The following IPO9 variants were observed in gnomAD, a reference collection of about 807,000 sequenced individuals.
IPO9 encodes importin 9.
In IPO9, 28 loss-of-function variants were observed where a neutral mutation model predicts 128.6. The ratio of observed to expected loss-of-function variants is 0.22; its 90% CI spans 0.16 to 0.30. The LOEUF is 0.30. Among genes scored for constraint, IPO9 ranks in the 10% least tolerant of loss-of-function variants. IPO9 has a pLI of 1.00. For missense variants in IPO9, 935 were observed against 1,293.9 expected (o/e 0.72, Z 4.26); for synonymous variants, 455 against 475.8 (o/e 0.96, Z 0.57).
intron 13 of IPO9, among the ~76,000 whole-genome samples, chr1:201,860,113 A>G (rs990544588): frequency 3.3e-5 from 5 of 152,172 alleles, no homozygotes; most frequent in African/African-American, 1.2e-4. Flanking sequence ...CACCATCCGA[A>G]AACACTGCCT....
intron 14 of IPO9, 81 bp downstream of exon 14, chr1:201,863,688 ATGTT>A: frequency 7.7e-7 from 1 of 1,304,348 alleles, no homozygotes; most frequent in East Asian, 2.4e-5. Context: ...CCAGTGTATT[ATGTT>A]GCTTGGAAAT....
At chr1:201,833,779 A>G (rs1679878545) in intron 1 of IPO9, among the ~76,000 whole-genome samples, 1 of 150,940 alleles carries the variant, frequency 6.6e-6, no homozygotes, top group Non-Finnish European at 1.5e-5. Context: ...TTAACCTTTC[A>G]TTTTTCTTTC....
At chr1:201,837,236 G>A (rs1352846421) in intron 1 of IPO9, among the ~76,000 whole-genome samples, 1 of 152,158 alleles carries the variant, frequency 6.6e-6, no homozygotes, top group Non-Finnish European at 1.5e-5. Context: ...ACTTATTACT[G>A]TATTAGAGTG....
At chr1:201,829,892 C>G (rs1320334730) in intron 1 of IPO9, among the ~76,000 whole-genome samples, 1 of 152,194 alleles carries the variant, frequency 6.6e-6, no homozygotes, top group African/African-American at 2.4e-5. Context: ...GTTGTTTGTA[C>G]TCTTCGTGTT....
In IPO9 at chr1:201,877,998, G is replaced by A; in HGVS notation, c.*1944G>A. On this transcript the variant is annotated 3_prime_UTR_variant, in exon 24 of 24. Transcript: ENST00000361565. ...TCAAGGGGATGGCCCCAAGGATATTGTAGCTGGTAATTTCTTCATGCCACT... is the reference window on the plus strand; with the variant it reads ...TCAAGGGGATGGCCCCAAGGATATTATAGCTGGTAATTTCTTCATGCCACT... 6.6e-6 allele frequency: 1 copy of A among 152,116 alleles called. No homozygotes were observed. Among genetic ancestry groups the A allele is most frequent in the East Asian group, 1.9e-4 (1 of 5,190 alleles). 9.4% of individuals were successfully genotyped at this position (152,116 alleles called of 1,614,324 possible).
chr1:201,851,990 C>T, intron 4 of IPO9, 114 bp from the exon 5 acceptor site: 1 of 613,866 alleles, frequency 1.6e-6, no homozygotes, highest in Non-Finnish European at 2.9e-6. Context: ...AGTGTCTTTA[C>T]CTGTGTGCTG....
intron 14 of IPO9, among the ~76,000 whole-genome samples, chr1:201,863,828 G>A (rs1268329535): frequency 2.0e-5 from 3 of 152,044 alleles, no homozygotes; most frequent in Non-Finnish European, 1.5e-5. Context: ...CTTTAAATTC[G>A]CTCCAGTTCT....
At chr1:201,847,788 A>G (rs375555091) in intron 3 of IPO9, 150 bp downstream of exon 3, 12 of 618,262 alleles carry the variant, frequency 1.9e-5, no homozygotes, top group Non-Finnish European at 3.2e-5. Context: ...AGGGCTATAC[A>G]TTAAAGAGCT....
intron 10 of IPO9, 108 bp downstream of exon 10, chr1:201,856,042 AAG>A (rs1340398602): frequency 1.5e-5 from 13 of 862,098 alleles, no homozygotes; most frequent in East Asian, 8.7e-5. Flanking sequence ...TAGACACAAA[AAG>A]AATAATTTCA....
At chr1:201,869,856 AG>A (rs1680616945) in intron 17 of IPO9, 138 bp downstream of exon 17, 2 of 1,144,528 alleles carry the variant, frequency 1.7e-6, no homozygotes, top group Non-Finnish European at 2.4e-6. Flanking sequence ...AGATTCAGGA[AG>A]GGTTCAGTCT....
chr1:201,857,152 A>G lies in IPO9; in HGVS notation c.1179A>G (p.Thr393=). 1.9e-6 allele frequency: 3 copies of G among 1,613,420 alleles called. No homozygotes were observed. Among genetic ancestry groups the G allele is most frequent in the Non-Finnish European group, 2.5e-6 (3 of 1,179,308 alleles). Residue 393 remains threonine (T), a synonymous_variant, in exon 11 of 24, where the codon ACA becomes ACG. Coordinates refer to ENST00000361565, the MANE Select transcript of IPO9 (RefSeq NM_018085.5). ...QQFVEDEDDD[T]FSYTVRIAAQ... is the part of the protein sequence containing the mutation. ...TTGTAGAAGATGAAGATGATGATAC[A>G]TTCTCCTATACTGTTAGAATAGCAG... is the stretch of plus-strand genomic sequence containing the variant.
rs2102879241 is a variant in IPO9, at chr1:201,855,850, T to C, written c.1038T>C (p.Asn346=). 6.2e-7 allele frequency: 1 copy of C among 1,612,596 alleles called. No homozygotes were observed. The highest frequency in any genetic ancestry group is 8.5e-7 in the Non-Finnish European group (1 of 1,179,550). ...AATTTGTCCATGCTCTACTAGAAAA[T>C]AGCAAATTCAAAAGCACTGTTAAGA... ...IFEFVHALLE[N]SKFKSTVKKA... is the part of the protein sequence containing the mutation. Residue 346 remains asparagine, a synonymous_variant, in exon 10 of 24, where the codon AAT becomes AAC. Transcript: ENST00000361565.
In IPO9 at chr1:201,878,087, T is replaced by C. The variant is rs929363166; in HGVS notation, c.*2033T>C. On this transcript the variant is annotated 3_prime_UTR_variant, in exon 24 of 24. Transcript: ENST00000361565. ...AAGAAGTAGAGTTAAAAGTTTTTACTACCTTTGAGAAGCCTGCGGGCATGT... is the reference window on the plus strand; with the variant it reads ...AAGAAGTAGAGTTAAAAGTTTTTACCACCTTTGAGAAGCCTGCGGGCATGT... 8 of 152,218 alleles carry C rather than the reference T, an allele frequency of 5.3e-5. No individual in the cohort carries two copies. Among genetic ancestry groups the C allele is most frequent in the African/African-American group, 1.2e-4 (5 of 41,444 alleles). 9.4% of individuals were successfully genotyped at this position (152,218 alleles called of 1,614,324 possible). A position where few individuals can be genotyped will look rare whatever the true frequency, so the allele number is the denominator to read the frequency against.
intron 1 of IPO9, among the ~76,000 whole-genome samples, chr1:201,839,509 C>A (rs919000010): frequency 7.0e-6 from 1 of 142,146 alleles, no homozygotes; most frequent in South Asian, 2.2e-4. Context: ...TGCAGTGATC[C>A]GAGATCATGA....
At chr1:201,864,601 A>T (rs1168731851) in intron 14 of IPO9, among the ~76,000 whole-genome samples, 2 of 152,202 alleles carry the variant, frequency 1.3e-5, no homozygotes, top group African/African-American at 4.8e-5. Flanking sequence ...TTGTGATTTT[A>T]TGGAAATGTT....
chr1:201,844,224 A>T (rs2102872520), intron 1 of IPO9, among the ~76,000 whole-genome samples: 1 of 152,328 alleles, frequency 6.6e-6, no homozygotes, highest in South Asian at 2.1e-4. Context: ...AACCAGTAAT[A>T]AAATTTTTAT....
intron 19 of IPO9, among the ~76,000 whole-genome samples, 166 bp downstream of exon 19, chr1:201,871,493 T>G (rs1397417223): frequency 6.9e-6 from 1 of 144,600 alleles, no homozygotes; most frequent in African/African-American, 2.6e-5. Flanking sequence ...TTCAAGCAAT[T>G]CTCCTGCTCC....
chr1:201,859,086 AAGTGACAAGTTAATGGGTGC>A, intron 13 of IPO9, 92 bp downstream of exon 13: 2 of 1,303,790 alleles, frequency 1.5e-6, no homozygotes, highest in Non-Finnish European at 2.1e-6. Context: ...TACCTGATGT[AAGTGACAAGTTAATGGGTGC>A]AGCACACCAA....
chr1:201,873,385 C>T (rs1316624669), intron 20 of IPO9, among the ~76,000 whole-genome samples: 8 of 132,296 alleles, frequency 6.0e-5, no homozygotes, highest in East Asian at 2.4e-4. Flanking sequence ...GCAGAGGTTG[C>T]GGTGAGCAAA....
Sources: allele counts gnomAD v4.1 joint callset (sites outside exome capture counted in the v4.1 genomes callset), GRCh38; gene constraint gnomAD v4.1.1; transcripts MANE v1.5; gene names NCBI Gene and HGNC (gene_info 2026-07-23, HGNC 2026-07-21).